ZNF562: variants seen among roughly 807,000 people sequenced by gnomAD.
ZNF562 encodes zinc finger protein 562.
Under a neutral mutation model 17.5 loss-of-function variants are expected in ZNF562, and 13 were observed. The ratio of observed to expected loss-of-function variants is 0.74; its 90% CI spans 0.48 to 1.18. The LOEUF (loss-of-function observed/expected upper bound fraction) is 1.18, where lower values mean the gene tolerates loss of function less well. ZNF562 is among the 50% of genes most tolerant of loss of function. The pLI is 0.00. For synonymous variants in ZNF562, 163 were observed against 165.4 expected (o/e 0.99, Z 0.11); for missense variants, 481 against 498.5 (o/e 0.96, Z 0.33).
chr19:9,674,549 C>T (rs543215280), intron 1 of ZNF562: 9 of 151,310 alleles, frequency 5.9e-5, no homozygotes, highest in South Asian at 4.2e-4. Flanking sequence ...ATCAAGACAA[C>T]GCCAGATTCT....
intron 1 of ZNF562, among the ~76,000 whole-genome samples, chr19:9,673,285 T>A (rs2044268951): frequency 6.6e-6 from 1 of 152,054 alleles, no homozygotes; most frequent in Non-Finnish European, 1.5e-5. Context: ...CCCCTTCCCC[T>A]CCCTTATCTG....
chr19:9,671,635 C>T (rs559459248), intron 1 of ZNF562, among the ~76,000 whole-genome samples: 14 of 152,314 alleles, frequency 9.2e-5, no homozygotes, highest in Non-Finnish European at 1.8e-4. Context: ...CAATTTCAGG[C>T]TGCAATGCAA....
In ZNF562 at chr19:9,651,402, A is replaced by G. The variant is rs929172393; in HGVS notation, c.*1547T>C. On this transcript the variant is annotated 3_prime_UTR_variant, in exon 6 of 6. Coordinates refer to ENST00000453372, the MANE Select transcript of ZNF562 (RefSeq NM_001130031.2). The stretch of plus-strand genomic sequence containing the variant: ...ATCTGTAATTAAAGTGTTAAAGGAC[A>G]CAGGAAGCTTCATTATTCCTGAGTG... 1 of 152,254 alleles carries G rather than the reference A, an allele frequency of 6.6e-6. No homozygotes were observed. The highest frequency in any genetic ancestry group is 2.4e-5 in the African/African-American group (1 of 41,468). 9.4% of individuals were successfully genotyped at this position (152,254 alleles called of 1,614,324 possible).
rs943628113 is a variant in ZNF562 at position 9,652,403 on chromosome 19, A to G, written c.*546T>C. On this transcript the variant is annotated 3_prime_UTR_variant, in exon 6 of 6. Transcript: ENST00000453372. ...ACAATCCACCTCTGGGGCCTACATC[A>G]TCTTGGCTTCTGGTAAATTTTGACA... The G allele has an allele frequency of 6.6e-6, 1 of 152,346 alleles. No individual in the cohort carries two copies. Among genetic ancestry groups the G allele is most frequent in the African/African-American group, 2.4e-5 (1 of 41,460 alleles). 9.4% of individuals were successfully genotyped at this position (152,346 alleles called of 1,614,324 possible). A position where few individuals can be genotyped will look rare whatever the true frequency, so the allele number is the denominator to read the frequency against.
chr19:9,668,005 C>T (rs758314179), intron 1 of ZNF562, among the ~76,000 whole-genome samples: 3 of 152,132 alleles, frequency 2.0e-5, no homozygotes, highest in Non-Finnish European at 4.4e-5. Context: ...AAATCAGTTG[C>T]ATTTATATAC....
At position 9,644,876 on chromosome 19, in the gene ZNF562, A is replaced by G. The variant is rs903913415; in HGVS notation, c.*8073T>C. ...ATTTGGGTGGGGACACAGCCAAACC[A>G]TATCAGCTGGCAACTTGCTTGCAGC... On this transcript the variant is annotated 3_prime_UTR_variant, in exon 6 of 6. Transcript: ENST00000453372. 4 of 152,118 alleles carry G rather than the reference A, an allele frequency of 2.6e-5. No homozygotes were observed. The highest frequency in any genetic ancestry group is 4.8e-5 in the African/African-American group (2 of 41,418). 9.4% of individuals were successfully genotyped at this position (152,118 alleles called of 1,614,324 possible).
At chr19:9,658,373 G>C (rs748489359) in intron 3 of ZNF562, 12 of 976,796 alleles carry the variant, frequency 1.2e-5, no homozygotes, top group Non-Finnish European at 1.5e-5. Context: ...TTTTGTGACA[G>C]AGTTTTGCTC....
intron 1 of ZNF562, among the ~76,000 whole-genome samples, chr19:9,670,510 G>A (rs1033826485): frequency 1.3e-5 from 2 of 152,064 alleles, no homozygotes; most frequent in African/African-American, 4.8e-5. Context: ...TAAAGAGAAT[G>A]GAATTCTGTC....
intron 1 of ZNF562, among the ~76,000 whole-genome samples, chr19:9,672,925 A>G (rs2044252919): frequency 6.6e-6 from 1 of 151,780 alleles, no homozygotes; most frequent in Non-Finnish European, 1.5e-5. Context: ...GTAAGATACA[A>G]TATATTTCTC....
In ZNF562 at chr19:9,653,856, T is replaced by A; in HGVS notation, c.374A>T (p.Lys125Ile). 6.3e-7 allele frequency: 1 copy of A among 1,590,772 alleles called. No homozygotes were observed. Among genetic ancestry groups the A allele is most frequent in the Non-Finnish European group, 8.6e-7 (1 of 1,168,970 alleles). ...QMQTRSYSGW[K>I]LCENCGEVFS... is the part of the protein sequence containing the mutation. ...GACCTCTCCACAATTCTCACAGAGT[T>A]TCCATCCACTGTAGCTTCTTGTCTG... Residue 125 changes from lysine to isoleucine, a missense_variant, in exon 6 of 6, where the codon AAA becomes ATA. Around this residue, in one of 2 missense-constraint regions of ZNF562, gnomAD observed 403 missense variants for 386.4 expected, o/e 1.04. Transcript: ENST00000453372.
chr19:9,673,234 GGA>G (rs775974388), intron 1 of ZNF562, among the ~76,000 whole-genome samples: 2 of 152,014 alleles, frequency 1.3e-5, no homozygotes, highest in African/African-American at 2.4e-5. Flanking sequence ...AACCCACGGG[GGA>G]GAGACACAGA....
At chr19:9,655,085 G>C (rs1286064736) in intron 5 of ZNF562, among the ~76,000 whole-genome samples, 1 of 152,094 alleles carries the variant, frequency 6.6e-6, no homozygotes, top group Non-Finnish European at 1.5e-5. Context: ...TAAACTCCCA[G>C]GCTCAAGCCA....
rs2074860639 is a variant in ZNF562 at position 9,651,046 on chromosome 19, A to G, written c.*1903T>C. On this transcript the variant is annotated 3_prime_UTR_variant, in exon 6 of 6. Coordinates refer to ENST00000453372, the MANE Select transcript of ZNF562 (RefSeq NM_001130031.2). ...ATTTCTAAGCCATTTGGTCTGCGGTATTCTCTTATGGTTGTCTGAGCTGAC... is the reference window on the plus strand; with the variant it reads ...ATTTCTAAGCCATTTGGTCTGCGGTGTTCTCTTATGGTTGTCTGAGCTGAC... 1 of 150,366 alleles carries G rather than the reference A, an allele frequency of 6.7e-6. No homozygotes were observed. 9.3% of individuals were successfully genotyped at this position (150,366 alleles called of 1,614,324 possible). A position where few individuals can be genotyped will look rare whatever the true frequency, so the allele number is the denominator to read the frequency against.
In ZNF562 at chr19:9,641,864, A is replaced by G. The variant is rs960687574; in HGVS notation, c.*11085T>C. On this transcript the variant is annotated 3_prime_UTR_variant, in exon 6 of 6. Coordinates refer to ENST00000453372, the MANE Select transcript of ZNF562 (RefSeq NM_001130031.2). The stretch of plus-strand genomic sequence containing the variant: ...ATGTGGATGGGCTGTCCAACAAAAC[A>G]GTCAGCAAAGGGTGGTGGGATTATC... The G allele has an allele frequency of 1.3e-5, 2 of 152,222 alleles. No individual in the cohort carries two copies. Among genetic ancestry groups the G allele is most frequent in the Non-Finnish European group, 2.9e-5 (2 of 68,052 alleles). The allele number at this position is 152,222 out of a possible 1,614,324, so 9.4% of individuals were successfully genotyped here. A position where few individuals can be genotyped will look rare whatever the true frequency, so the allele number is the denominator to read the frequency against.
At position 9,652,770 on chromosome 19, in the gene ZNF562, C is replaced by G. The variant is rs2074889138; in HGVS notation, c.*179G>C. 1.9e-6 allele frequency: 1 copy of G among 530,988 alleles called. No homozygotes were observed. Among genetic ancestry groups the G allele is most frequent in the Non-Finnish European group, 3.1e-6 (1 of 321,464 alleles). The allele number at this position is 530,988 out of a possible 1,614,324, so 32.9% of individuals were successfully genotyped here. A position where few individuals can be genotyped will look rare whatever the true frequency, so the allele number is the denominator to read the frequency against. On this transcript the variant is annotated 3_prime_UTR_variant, in exon 6 of 6. Transcript: ENST00000453372. The stretch of plus-strand genomic sequence containing the variant: ...TGGCAACCAATGGGCTAAATGGTAA[C>G]AACACTCATATCCTTACATTCATAG...
Position 9,653,493 on chromosome 19 carries a change from T to C in ZNF562, c.737A>G (p.His246Arg). The change falls in exon 6 of 6, where the codon CAC (histidine) becomes CGC (arginine). Residue 246 changes from histidine (H) to arginine (R), a missense_variant. Around this residue, in one of 2 missense-constraint regions of ZNF562, gnomAD observed 403 missense variants for 386.4 expected, o/e 1.04. Transcript: ENST00000453372. The stretch of plus-strand genomic sequence containing the variant: ...ATGAACTGCTACACACTGCTTTAAG[T>C]GTGAGGAAGTTGTGATGGCTCTCTC... ...ECERAITTSS[H>R]LKQCVAVHTG... 1.9e-6 allele frequency: 3 copies of C among 1,614,212 alleles called. No individual in the cohort carries two copies. Among genetic ancestry groups the C allele is most frequent in the Non-Finnish European group, 2.5e-6 (3 of 1,180,030 alleles).
rs555692579 is a variant in ZNF562 at position 9,650,255 on chromosome 19, G to A, written c.*2694C>T. 2.6e-5 allele frequency: 4 copies of A among 151,702 alleles called. No individual in the cohort carries two copies. Among genetic ancestry groups the A allele is most frequent in the Non-Finnish European group, 4.4e-5 (3 of 67,974 alleles). 9.4% of individuals were successfully genotyped at this position (151,702 alleles called of 1,614,324 possible). A position where few individuals can be genotyped will look rare whatever the true frequency, so the allele number is the denominator to read the frequency against. On this transcript the variant is annotated 3_prime_UTR_variant, in exon 6 of 6. Transcript: ENST00000453372. ...AGCTTCATCATCATACGAATTTTGG[G>A]GGTCATTGTTCAGTCCAAAGTACTT...
rs999894593 is a variant in ZNF562, at chr19:9,645,594, A to G, written c.*7355T>C. On this transcript the variant is annotated 3_prime_UTR_variant, in exon 6 of 6. Coordinates refer to ENST00000453372, the MANE Select transcript of ZNF562 (RefSeq NM_001130031.2). ...CTGGTCAAAGCAAGGACTGGCTCAC[A>G]TAAAAAGGAGAGAGATTGCACCTTC... The G allele has an allele frequency of 6.6e-6, 1 of 152,238 alleles. No individual in the cohort carries two copies. The highest frequency in any genetic ancestry group is 2.4e-5 in the African/African-American group (1 of 41,464). 9.4% of individuals were successfully genotyped at this position (152,238 alleles called of 1,614,324 possible).
intron 1 of ZNF562, among the ~76,000 whole-genome samples, chr19:9,671,714 CATGTT>C (rs1168071117): frequency 1.6e-4 from 25 of 152,216 alleles, no homozygotes; most frequent in Admixed American, 1.4e-3. Context: ...TGTTAAATGG[CATGTT>C]ATTTATTGGA....
Sources: allele counts gnomAD v4.1 joint callset (sites outside exome capture counted in the v4.1 genomes callset), GRCh38; gene constraint gnomAD v4.1.1; regional missense constraint gnomAD v4.1.1; transcripts MANE v1.5; gene names NCBI Gene and HGNC (gene_info 2026-07-23, HGNC 2026-07-21).